The following SH3GL1 variants were observed in gnomAD, a reference collection of about 807,000 sequenced individuals.
The protein encoded by SH3GL1 is SH3 domain containing GRB2 like 1, endophilin A2, also known as endophilin-A2.
Under a neutral mutation model 48.8 loss-of-function variants are expected in SH3GL1, and 21 were observed. The observed-to-expected ratio is 0.43, with a 90% confidence interval of 0.30 to 0.62. SH3GL1 has a LOEUF of 0.62. SH3GL1 is among the 20% of genes least tolerant of loss of function. The pLI, the probability that SH3GL1 is intolerant of heterozygous loss-of-function variation, is 0.11. For missense variants in SH3GL1, 454 were observed against 503.0 expected (o/e 0.90, Z 0.93); for synonymous variants, 282 against 217.5 (o/e 1.30, Z -2.61).
intron 8 of SH3GL1, 86 bp from the exon 9 acceptor site, chr19:4,362,471 G>A (rs529545496): frequency 3.3e-5 from 52 of 1,568,202 alleles, no homozygotes; most frequent in Admixed American, 5.6e-5. Context: ...AGCCCTTCCC[G>A]TCTGCCTTGG....
chr19:4,382,761 C>T (rs373718592), intron 1 of SH3GL1, among the ~76,000 whole-genome samples: 152 of 152,266 alleles, frequency 1.0e-3, no homozygotes, highest in African/African-American at 3.5e-3. Context: ...CTCATCACTT[C>T]TCGTTATTCG....
chr19:4,385,969 G>A (rs1012180971), intron 1 of SH3GL1, among the ~76,000 whole-genome samples: 1 of 152,156 alleles, frequency 6.6e-6, no homozygotes, highest in African/African-American at 2.4e-5. Context: ...GCAGTTCTGG[G>A]GGTTGTCCTT....
At chr19:4,362,043 T>C (rs978971015) in intron 9 of SH3GL1, among the ~76,000 whole-genome samples, 2 of 152,218 alleles carry the variant, frequency 1.3e-5, no homozygotes, top group African/African-American at 4.8e-5. Context: ...GGACACCCGG[T>C]GCTGCTGCGG....
Position 4,367,080 on chromosome 19 carries a change from A to C in SH3GL1, c.46-86T>G. 1 of 1,225,984 alleles carries C rather than the reference A, an allele frequency of 8.2e-7. No homozygotes were observed. Among genetic ancestry groups the C allele is most frequent in the Non-Finnish European group, 1.2e-6 (1 of 827,720 alleles). 75.9% of individuals were successfully genotyped at this position (1,225,984 alleles called of 1,614,324 possible). A position where few individuals can be genotyped will look rare whatever the true frequency, so the allele number is the denominator to read the frequency against. On this transcript the variant is annotated intron_variant, in intron 1 of 9. Transcript: ENST00000269886. The surrounding 1 kb of genome is among the most constrained non-coding windows in gnomAD (Gnocchi z 4.2). ...AGGCCCTGAGCCGCCTTCCAGCCACATCGCATCCACAGCTGGAGGCAGGAG... is the reference window on the plus strand; with the variant it reads ...AGGCCCTGAGCCGCCTTCCAGCCACCTCGCATCCACAGCTGGAGGCAGGAG...
chr19:4,400,296 C>A lies in SH3GL1; in HGVS notation c.45+28G>T, dbSNP rs532595341. ...CATCCGGGCAGCCCGGGGCCCGGTACTCGGCTCCCGCCTGGGCCTGCGCTC... is the reference window on the plus strand; with the variant it reads ...CATCCGGGCAGCCCGGGGCCCGGTAATCGGCTCCCGCCTGGGCCTGCGCTC... On this transcript the variant is annotated intron_variant, in intron 1 of 9. Coordinates refer to ENST00000269886, the MANE Select transcript of SH3GL1 (RefSeq NM_003025.4). The surrounding 1 kb of genome is among the most constrained non-coding windows in gnomAD (Gnocchi z 4.1). 1 of 1,590,340 alleles carries A rather than the reference C, an allele frequency of 6.3e-7. No individual in the cohort carries two copies. Among genetic ancestry groups the A allele is most frequent in the East Asian group, 2.4e-5 (1 of 42,118 alleles).
In SH3GL1 at chr19:4,383,593, C is replaced by T. The variant is rs576236996; in HGVS notation, c.46-16599G>A. 4.7e-4 allele frequency among the ~76,000 whole-genome samples: 72 copies of T among 152,234 alleles called. No individual in the cohort carries two copies. The South Asian group carries it at 0.014, about 30-fold the overall frequency. On this transcript the variant is annotated intron_variant, in intron 1 of 9. Transcript: ENST00000269886. ...TTCACCCACACTGAACTCATGGACA[C>T]GGAGCTATCACTCCTGCCTGAGAGA...
At chr19:4,391,337 A>G (rs243409) in intron 1 of SH3GL1, among the ~76,000 whole-genome samples, 136,649 of 152,158 alleles carry the variant, frequency 0.9, 62,159 homozygotes, top group Non-Finnish European at 0.96. Context: ...TCTCGCACTC[A>G]CAGGCTGTTA....
chr19:4,363,633 C>CACA, intron 6 of SH3GL1, 87 bp downstream of exon 6: 19 of 1,562,864 alleles, frequency 1.2e-5, no homozygotes, highest in Non-Finnish European at 1.6e-5. Flanking sequence ...AGGTAGGTGC[C>CACA]GATCTGTCCT....
chr19:4,372,561 G>A (rs778722754), intron 1 of SH3GL1, among the ~76,000 whole-genome samples: 3 of 152,194 alleles, frequency 2.0e-5, no homozygotes, highest in African/African-American at 7.2e-5. Context: ...AAGCCCTGAC[G>A]TGGGAAGAGG....
chr19:4,379,668 GTCCCGCCC>G (rs1973081288), intron 1 of SH3GL1, among the ~76,000 whole-genome samples: 2 of 151,884 alleles, frequency 1.3e-5, no homozygotes, highest in South Asian at 2.1e-4. Flanking sequence ...CCCTGGGGAT[GTCCCGCCC>G]TCCCTGCACC....
chr19:4,383,770 C>A (rs1039878998), intron 1 of SH3GL1, among the ~76,000 whole-genome samples: 1 of 152,212 alleles, frequency 6.6e-6, no homozygotes, highest in Non-Finnish European at 1.5e-5. Context: ...GCGCTAAAAG[C>A]CTGCAAATCC....
chr19:4,366,690 C>A, intron 2 of SH3GL1, 117 bp from the exon 3 acceptor site: 1 of 1,015,260 alleles, frequency 9.8e-7, no homozygotes. Context: ...CCCCAACCCC[C>A]TCTCCATGTC....
At chr19:4,397,329 C>A (rs551997488) in intron 1 of SH3GL1, among the ~76,000 whole-genome samples, 1 of 152,316 alleles carries the variant, frequency 6.6e-6, no homozygotes, top group African/African-American at 2.4e-5. Context: ...ATAGGCAATC[C>A]TAAGCCCAGC....
chr19:4,373,290 T>G (rs1199669498), intron 1 of SH3GL1, among the ~76,000 whole-genome samples: 1 of 152,116 alleles, frequency 6.6e-6, no homozygotes, highest in Admixed American at 6.5e-5. Context: ...CATCACCCAC[T>G]GTGTGTGATG....
chr19:4,383,786 G>A (rs8104461), intron 1 of SH3GL1, among the ~76,000 whole-genome samples: 7,120 of 152,194 alleles, frequency 0.047, 348 homozygotes, highest in African/African-American at 0.12. Context: ...AATCCATGCC[G>A]GAACACAGCG....
intron 1 of SH3GL1, among the ~76,000 whole-genome samples, chr19:4,373,303 C>G (rs531914915): frequency 7.9e-5 from 12 of 152,288 alleles, no homozygotes; most frequent in African/African-American, 2.9e-4. Context: ...GTGTGATGCA[C>G]GGAGGGAAGG....
chr19:4,361,510 C>T lies in SH3GL1; in HGVS notation c.*90G>A, dbSNP rs967001916. The T allele has an allele frequency of 9.5e-7, 1 of 1,056,654 alleles. No homozygotes were observed. Among genetic ancestry groups the T allele is most frequent in the South Asian group, 1.5e-5 (1 of 67,288 alleles). The allele number at this position is 1,056,654 out of a possible 1,614,324, so 65.5% of individuals were successfully genotyped here. ...TGGCGCCGGCAGGCTCAGACACCGC[C>T]CTGGCAGCAGGGGCTCCGTGGAATG... On this transcript the variant is annotated 3_prime_UTR_variant, in exon 10 of 10. Coordinates refer to ENST00000269886, the MANE Select transcript of SH3GL1 (RefSeq NM_003025.4).
chr19:4,368,049 T>C (rs1200020704), intron 1 of SH3GL1, among the ~76,000 whole-genome samples: 1 of 152,206 alleles, frequency 6.6e-6, no homozygotes, highest in East Asian at 1.9e-4. Flanking sequence ...GGGTGTGCCA[T>C]CTCTGAAGTC....
chr19:4,365,631 A>G lies in SH3GL1; in HGVS notation c.188-6T>C. On this transcript the variant is annotated splice_region_variant and splice_polypyrimidine_tract_variant and intron_variant, in intron 3 of 9. Transcript: ENST00000269886. ...GGTCAGCTTAGCCCGCGAGGCTGGGATAGGATGGCCAGGTGGGTGTGGGCT... is the reference window on the plus strand; with the variant it reads ...GGTCAGCTTAGCCCGCGAGGCTGGGGTAGGATGGCCAGGTGGGTGTGGGCT... 1.2e-6 allele frequency: 2 copies of G among 1,613,778 alleles called. No homozygotes were observed. The highest frequency in any genetic ancestry group is 1.7e-6 in the Non-Finnish European group (2 of 1,180,028).
Sources: allele counts gnomAD v4.1 joint callset (sites outside exome capture counted in the v4.1 genomes callset), GRCh38; gene constraint gnomAD v4.1.1; non-coding constraint Gnocchi (gnomAD v3.1); transcripts MANE v1.5; gene names NCBI Gene and HGNC (gene_info 2026-07-23, HGNC 2026-07-21).